Variants in SMOC2 observed in about 807,000 individuals in gnomAD.
The protein encoded by SMOC2 is SPARC-related modular calcium-binding protein 2.
In SMOC2, 39 loss-of-function variants were observed where a neutral mutation model predicts 61.4. The ratio of observed to expected loss-of-function variants is 0.64; its 90% CI spans 0.49 to 0.83. The LOEUF (loss-of-function observed/expected upper bound fraction) is 0.83. Ranked by LOEUF, SMOC2 falls within the 40% of genes least tolerant of loss-of-function variation. SMOC2 has a pLI of 0.00. For synonymous variants in SMOC2, 247 were observed against 239.9 expected, an observed-to-expected ratio of 1.03 and a Z score of -0.27; for missense variants, 556 against 592.9, an observed-to-expected ratio of 0.94 and a Z score of 0.65.
chr6:168,545,183 A>G (rs1306736647), intron 5 of SMOC2, among the ~76,000 whole-genome samples: 1 of 151,998 alleles, frequency 6.6e-6, no homozygotes, highest in East Asian at 1.9e-4. Context: ...GAAAGGGAGG[A>G]GGAGATGGAA....
chr6:168,472,886 C>G (rs1267536741), intron 1 of SMOC2, among the ~76,000 whole-genome samples: 1 of 152,122 alleles, frequency 6.6e-6, no homozygotes, highest in East Asian at 1.9e-4. Context: ...GAAGCTCTCT[C>G]CTCACCTCCT....
intron 7 of SMOC2, among the ~76,000 whole-genome samples, chr6:168,564,256 C>G (rs1347117301): frequency 1.3e-5 from 2 of 152,040 alleles, no homozygotes; most frequent in South Asian, 2.1e-4. Flanking sequence ...TCTGAGCCGT[C>G]CTTTCACTCT....
intron 9 of SMOC2, among the ~76,000 whole-genome samples, chr6:168,645,320 A>G (rs1786994920): frequency 6.6e-6 from 1 of 152,232 alleles, no homozygotes; most frequent in Non-Finnish European, 1.5e-5. Flanking sequence ...GCACAAAACT[A>G]GAGCACACTC....
At chr6:168,575,376 C>T (rs939678402) in intron 7 of SMOC2, among the ~76,000 whole-genome samples, 1 of 152,182 alleles carries the variant, frequency 6.6e-6, no homozygotes, top group African/African-American at 2.4e-5. Flanking sequence ...TCTTACTCTC[C>T]TAGCATATCT....
chr6:168,535,815 A>G lies in SMOC2; in HGVS notation c.464-7810A>G, dbSNP rs372525931. Among the ~76,000 whole-genome samples the G allele has an allele frequency of 3.9e-5, 6 of 152,348 alleles. No individual in the cohort carries two copies. Among genetic ancestry groups the G allele is most frequent in the Admixed American group, 2.6e-4 (4 of 15,304 alleles). On this transcript the variant is annotated intron_variant, in intron 4 of 12. Coordinates refer to ENST00000356284, the MANE Select transcript of SMOC2 (RefSeq NM_001166412.2). The surrounding 1 kb of genome is among the most constrained non-coding windows in gnomAD (Gnocchi z 4.6). ...GGGAGGGAGACCAATGCGCAGTGAC[A>G]GTGATCCTGGGGACACGTGAGGAAT...
intron 9 of SMOC2, among the ~76,000 whole-genome samples, chr6:168,643,559 G>A (rs1167201901): frequency 6.6e-6 from 1 of 152,210 alleles, no homozygotes; most frequent in African/African-American, 2.4e-5. Flanking sequence ...GCAAGCAGAG[G>A]TGAACGTGAC....
At chr6:168,479,096 G>A (rs181830352) in intron 1 of SMOC2, among the ~76,000 whole-genome samples, 4,604 of 149,150 alleles carry the variant, frequency 0.031, 98 homozygotes, top group South Asian at 0.11. Flanking sequence ...CTCGGGAAAA[G>A]GAGTCAGGAA....
chr6:168,604,101 C>T (rs1785626003), intron 8 of SMOC2, among the ~76,000 whole-genome samples: 2 of 152,254 alleles, frequency 1.3e-5, no homozygotes, highest in South Asian at 4.1e-4. Flanking sequence ...GCCGCCCTGA[C>T]ACCCTCATTC....
At chr6:168,617,343 G>A (rs1562385725) in intron 9 of SMOC2, among the ~76,000 whole-genome samples, 1 of 152,196 alleles carries the variant, frequency 6.6e-6, no homozygotes, top group Non-Finnish European at 1.5e-5. Context: ...TACTTCAACA[G>A]CTGAGTGTGA....
intron 2 of SMOC2, among the ~76,000 whole-genome samples, chr6:168,511,335 CAGAAGGGGA>C (rs1783003334): frequency 1.3e-5 from 2 of 152,092 alleles, no homozygotes; most frequent in African/African-American, 2.4e-5. Context: ...ACAATCATGG[CAGAAGGGGA>C]AGCAAACGCA....
chr6:168,477,821 A>C (rs896686988), intron 1 of SMOC2, among the ~76,000 whole-genome samples: 3 of 152,166 alleles, frequency 2.0e-5, no homozygotes, highest in African/African-American at 7.2e-5. Context: ...AAAGCCAAAA[A>C]TACACAACAA....
chr6:168,564,769 C>T (rs994026613), intron 7 of SMOC2, among the ~76,000 whole-genome samples: 3 of 152,180 alleles, frequency 2.0e-5, no homozygotes, highest in Non-Finnish European at 4.4e-5. Flanking sequence ...AGGCTGATGA[C>T]GGGCAGCCGC....
At chr6:168,644,505 C>T (rs2115265118) in intron 9 of SMOC2, among the ~76,000 whole-genome samples, 1 of 152,252 alleles carries the variant, frequency 6.6e-6, no homozygotes, top group Non-Finnish European at 1.5e-5. Context: ...TTGGTGTGCA[C>T]ACAATGGAAC....
At chr6:168,486,792 A>G (rs562076537) in intron 1 of SMOC2, among the ~76,000 whole-genome samples, 125 of 151,964 alleles carry the variant, frequency 8.2e-4, no homozygotes, top group African/African-American at 2.9e-3. Flanking sequence ...CTTAGTTCCA[A>G]CTCTCTGCTA....
At chr6:168,515,648 G>A (rs5026840) in intron 2 of SMOC2, among the ~76,000 whole-genome samples, 11 of 6,034 alleles carry the variant, frequency 1.8e-3, no homozygotes, top group African/African-American at 2.4e-3. Flanking sequence ...TGAGGGGCCG[G>A]CTCCTTCCTC....
intron 9 of SMOC2, among the ~76,000 whole-genome samples, chr6:168,644,974 A>G (rs182537481): frequency 7.2e-4 from 109 of 152,292 alleles, no homozygotes; most frequent in Non-Finnish European, 2.5e-4. Context: ...ACAAGTAAAG[A>G]TAATTTAGAA....
intron 9 of SMOC2, among the ~76,000 whole-genome samples, chr6:168,620,898 T>C (rs1786225981): frequency 6.6e-6 from 1 of 152,186 alleles, no homozygotes; most frequent in South Asian, 2.1e-4. Flanking sequence ...AAGAATTTAA[T>C]TGGACAGACT....
At position 168,513,606 on chromosome 6, in the gene SMOC2, G is replaced by T. The variant is rs148394374; in HGVS notation, c.256+3520G>T. ...GTGATTCTAAAACTATGATCAATTTGCTTCAACCTGATTCTTTCAATAAGT... is the reference window on the plus strand; with the variant it reads ...GTGATTCTAAAACTATGATCAATTTTCTTCAACCTGATTCTTTCAATAAGT... On this transcript the variant is annotated intron_variant, in intron 2 of 12. Coordinates refer to ENST00000356284, the MANE Select transcript of SMOC2 (RefSeq NM_001166412.2). Among the ~76,000 whole-genome samples the T allele has an allele frequency of 7.3e-3, 1,108 of 152,292 alleles. 15 individuals are homozygous for T. The highest frequency in any genetic ancestry group is 0.026 in the African/African-American group (1,065 of 41,572).
intron 8 of SMOC2, among the ~76,000 whole-genome samples, chr6:168,599,826 C>T (rs1785489611): frequency 1.6e-5 from 2 of 127,890 alleles, no homozygotes; most frequent in African/African-American, 2.9e-5. Flanking sequence ...CACACACACA[C>T]ACGCCCCCCA....
Sources: allele counts gnomAD v4.1 joint callset (sites outside exome capture counted in the v4.1 genomes callset), GRCh38; gene constraint gnomAD v4.1.1; non-coding constraint Gnocchi (gnomAD v3.1); transcripts MANE v1.5; gene names NCBI Gene and HGNC (gene_info 2026-07-23, HGNC 2026-07-21).